IGSF11: variants seen among roughly 807,000 people sequenced by gnomAD.
IGSF11 encodes immunoglobulin superfamily member 11.
A neutral mutation model predicts 41.0 loss-of-function variants in IGSF11; 22 were observed. The ratio of observed to expected loss-of-function variants is 0.54; its 90% CI spans 0.38 to 0.77. IGSF11 has a LOEUF of 0.77. IGSF11 is among the 30% of genes least tolerant of loss of function. IGSF11 has a pLI of 0.00. For synonymous variants in IGSF11, 219 were observed against 201.3 expected, an observed-to-expected ratio of 1.09 and a Z score of -0.74; for missense variants, 444 against 530.8, an observed-to-expected ratio of 0.84 and a Z score of 1.61.
upstream of IGSF11, chr3:119,034,940 G>A (rs1224236706): frequency 5.8e-6 from 4 of 688,736 alleles, no homozygotes; most frequent in East Asian, 2.3e-4. Context: ...CCGCCCACTC[G>A]CCCCGCTTGG....
intron 1 of IGSF11, among the ~76,000 whole-genome samples, chr3:119,004,619 T>C (rs1255217923): frequency 2.0e-4 from 30 of 146,698 alleles, no homozygotes; most frequent in Non-Finnish European, 1.8e-4. Flanking sequence ...AATTTCCCTC[T>C]ACACACTGCT....
Position 118,969,964 on chromosome 3 carries a change from C to G in IGSF11, c.53-39689G>C, listed in dbSNP as rs935974649. On this transcript the variant is annotated intron_variant, in intron 1 of 6. Transcript: ENST00000393775. ...AAGTCTGGCTTTCTGTTGGCTACATCCATGTCCCTCTGCGCATACAGGTAT... is the reference window on the plus strand; with the variant it reads ...AAGTCTGGCTTTCTGTTGGCTACATGCATGTCCCTCTGCGCATACAGGTAT... 3.3e-5 allele frequency among the ~76,000 whole-genome samples: 5 copies of G among 151,804 alleles called. No homozygotes were observed. In the East Asian group the frequency reaches 9.6e-4, roughly 29 times the overall value.
chr3:118,980,252 A>T (rs1170750265), intron 1 of IGSF11, among the ~76,000 whole-genome samples: 1 of 152,232 alleles, frequency 6.6e-6, no homozygotes, highest in Non-Finnish European at 1.5e-5. Context: ...TATTCATAGT[A>T]GCAAAGATAT....
chr3:119,112,196 G>T (rs904250286), intron 1 of IGSF11, among the ~76,000 whole-genome samples: 1 of 152,232 alleles, frequency 6.6e-6, no homozygotes, highest in African/African-American at 2.4e-5. Context: ...TGCCCCCAGA[G>T]GTGGAGCCTA....
chr3:119,024,339 C>T (rs1288713768), intron 1 of IGSF11, among the ~76,000 whole-genome samples: 2 of 152,058 alleles, frequency 1.3e-5, no homozygotes, highest in African/African-American at 4.8e-5. Flanking sequence ...TGTTGGAATA[C>T]AAAATTCAAG....
intron 4 of IGSF11, among the ~76,000 whole-genome samples, chr3:118,914,099 G>A (rs1345466324): frequency 6.6e-6 from 1 of 152,100 alleles, no homozygotes; most frequent in Non-Finnish European, 1.5e-5. Flanking sequence ...GTATGCATTT[G>A]AGAACTTTAA....
intron 1 of IGSF11, among the ~76,000 whole-genome samples, chr3:118,957,911 T>C (rs1272953841): frequency 2.0e-5 from 3 of 152,220 alleles, no homozygotes; most frequent in Non-Finnish European, 2.9e-5. Flanking sequence ...ACTTCTACCT[T>C]TCTTACCTTC....
intron 1 of IGSF11, among the ~76,000 whole-genome samples, chr3:119,057,113 T>C (rs1185093190): frequency 6.6e-6 from 1 of 152,146 alleles, no homozygotes; most frequent in Non-Finnish European, 1.5e-5. Context: ...GTGTTGGAAG[T>C]TCTGGCCAGG....
At chr3:119,047,452 C>T (rs552047476) in intron 1 of IGSF11, among the ~76,000 whole-genome samples, 154 of 152,244 alleles carry the variant, frequency 1.0e-3, no homozygotes, top group African/African-American at 3.6e-3. Context: ...GCTAACTATC[C>T]TAAATATATA....
chr3:119,118,218 T>C (rs2077285365), intron 1 of IGSF11, among the ~76,000 whole-genome samples: 1 of 152,228 alleles, frequency 6.6e-6, no homozygotes, highest in Non-Finnish European at 1.5e-5. Context: ...TGCATTGCCC[T>C]AGCAAAGGTT....
intron 1 of IGSF11, among the ~76,000 whole-genome samples, chr3:118,967,311 T>C (rs1479681772): frequency 6.6e-6 from 1 of 152,200 alleles, no homozygotes; most frequent in Non-Finnish European, 1.5e-5. Context: ...CCACATGGCA[T>C]GATCTGCGTT....
chr3:118,932,575 A>T (rs1279883733), intron 1 of IGSF11, among the ~76,000 whole-genome samples: 1 of 152,224 alleles, frequency 6.6e-6, no homozygotes, highest in Non-Finnish European at 1.5e-5. Context: ...TCTAAATTTT[A>T]AAAAAGAAGT....
At chr3:118,939,658 G>C (rs1943533648) in intron 1 of IGSF11, among the ~76,000 whole-genome samples, 1 of 151,872 alleles carries the variant, frequency 6.6e-6, no homozygotes, top group African/African-American at 2.4e-5. Flanking sequence ...TTAATTATGT[G>C]AGTATGAAAA....
At chr3:119,045,573 G>A (rs1166713376) in intron 1 of IGSF11, among the ~76,000 whole-genome samples, 2 of 152,096 alleles carry the variant, frequency 1.3e-5, no homozygotes, top group Non-Finnish European at 1.5e-5. Flanking sequence ...GGGGAGGGGC[G>A]CCCACCATTG....
chr3:118,993,574 C>T (rs904046787), intron 1 of IGSF11, among the ~76,000 whole-genome samples: 1 of 152,128 alleles, frequency 6.6e-6, no homozygotes, highest in Non-Finnish European at 1.5e-5. Context: ...TATGTGTTCA[C>T]AGCATGATAG....
chr3:118,967,196 T>A (rs1945743760), intron 1 of IGSF11, among the ~76,000 whole-genome samples: 1 of 152,072 alleles, frequency 6.6e-6, no homozygotes, highest in African/African-American at 2.4e-5. Flanking sequence ...CCCATACATA[T>A]ATATATGTAC....
Position 119,034,724 on chromosome 3 carries a change from G to A in IGSF11, c.-142C>T, listed in dbSNP as rs1940780551. ...GGCCGCTGTTCCCCGCGCAGAGCTG[G>A]GACTGTCAGACCCACAGACGAGCCA... On this transcript the variant is annotated 5_prime_UTR_variant, in exon 1 of 7. Transcript: ENST00000393775. The A allele has an allele frequency of 5.1e-6, 7 of 1,365,810 alleles. No individual in the cohort carries two copies. Among genetic ancestry groups the A allele is most frequent in the Non-Finnish European group, 6.6e-6 (7 of 1,055,692 alleles). The allele number at this position is 1,365,810 out of a possible 1,614,324, so 84.6% of individuals were successfully genotyped here.
intron 1 of IGSF11, among the ~76,000 whole-genome samples, chr3:119,020,279 T>C (rs1008320333): frequency 4.6e-5 from 7 of 152,186 alleles, no homozygotes. Context: ...CTACTAGGTC[T>C]CTCATACACT....
Position 118,904,752 on chromosome 3 carries a change from A to C in IGSF11, c.750T>G (p.Gly250=). ...CAATGCAAAAAATGATAATAACTGC[A>C]CCAGTGCCAATGGCTCCAGCTATTA... ...IGLIAGAIGT[G]AVIIIFCIAL... is the part of the protein sequence containing the mutation. Residue 250 remains glycine (G), a synonymous_variant, in exon 6 of 7, where the codon GGT becomes GGG. Transcript: ENST00000393775. 6.2e-7 allele frequency: 1 copy of C among 1,613,700 alleles called. No individual in the cohort carries two copies. Among genetic ancestry groups the C allele is most frequent in the Non-Finnish European group, 8.5e-7 (1 of 1,179,770 alleles).
Sources: allele counts gnomAD v4.1 joint callset (sites outside exome capture counted in the v4.1 genomes callset), GRCh38; gene constraint gnomAD v4.1.1; transcripts MANE v1.5; gene names NCBI Gene and HGNC (gene_info 2026-07-23, HGNC 2026-07-21).